SPAG9: variants seen among roughly 807,000 people sequenced by gnomAD.
SPAG9 encodes C-Jun-amino-terminal kinase-interacting protein 4.
SPAG9 carries 35 observed loss-of-function variants against 166.5 expected under a neutral mutation model. That is an observed-to-expected ratio of 0.21 (90% CI 0.16 to 0.28). The LOEUF (loss-of-function observed/expected upper bound fraction) is 0.28, where lower values mean the gene tolerates loss of function less well. Among genes scored for constraint, SPAG9 ranks in the 10% least tolerant of loss-of-function variants. The pLI is 1.00. For synonymous variants in SPAG9, 534 were observed against 565.5 expected, an observed-to-expected ratio of 0.94 and a Z score of 0.79; for missense variants, 1,235 against 1,603.3, an observed-to-expected ratio of 0.77 and a Z score of 3.92.
At chr17:51,078,907 T>A (rs552056547) in intron 2 of SPAG9, among the ~76,000 whole-genome samples, 5 of 152,124 alleles carry the variant, frequency 3.3e-5, no homozygotes, top group Non-Finnish European at 5.9e-5. Flanking sequence ...CATTTTTACA[T>A]TTCAAAGCAA....
chr17:50,986,025 C>A (rs1975023572), intron 22 of SPAG9, among the ~76,000 whole-genome samples: 1 of 152,342 alleles, frequency 6.6e-6, no homozygotes, highest in South Asian at 2.1e-4. Flanking sequence ...TAGTGCAATG[C>A]ACAGTCAGGT....
At chr17:51,032,945 A>T (rs996989237) in intron 5 of SPAG9, among the ~76,000 whole-genome samples, 1 of 152,124 alleles carries the variant, frequency 6.6e-6, no homozygotes, top group Non-Finnish European at 1.5e-5. Flanking sequence ...AAAAAAAAAT[A>T]AAAAATACAA....
At chr17:51,088,388 T>C (rs1366733801) in intron 1 of SPAG9, among the ~76,000 whole-genome samples, 1 of 152,126 alleles carries the variant, frequency 6.6e-6, no homozygotes, top group Non-Finnish European at 1.5e-5. Flanking sequence ...ACCCATCCAA[T>C]AGGAGTACTC....
Position 51,055,351 on chromosome 17 carries a change from TCTCA to T in SPAG9, c.495+1057_495+1060del, listed in dbSNP as rs147006634. On this transcript the variant is annotated intron_variant, in intron 3 of 29. Coordinates refer to ENST00000262013, the MANE Select transcript of SPAG9 (RefSeq NM_001130528.3). The stretch of plus-strand genomic sequence containing the variant: ...TTGGGCAACAGAGCAAGACTCTCTC[TCTCA>T]CACACACACACACACAAGCAACAAC... Among the ~76,000 whole-genome samples, 844 of 151,692 alleles carry T rather than the reference TCTCA, an allele frequency of 5.6e-3. 5 individuals are homozygous for T. The highest frequency in any genetic ancestry group is 0.019 in the African/African-American group (780 of 41,410).
intron 1 of SPAG9, among the ~76,000 whole-genome samples, chr17:51,102,634 C>CT (rs1419270339): frequency 6.6e-6 from 1 of 151,804 alleles, no homozygotes; most frequent in Non-Finnish European, 1.5e-5. Context: ...TCCCCAGTAG[C>CT]TGAGATTACA....
intron 12 of SPAG9, among the ~76,000 whole-genome samples, chr17:51,002,289 C>T (rs2044989974): frequency 6.6e-6 from 1 of 152,068 alleles, no homozygotes; most frequent in Non-Finnish European, 1.5e-5. Flanking sequence ...AGTGTTGGGA[C>T]TACAGGTGTA....
chr17:51,021,206 T>G lies in SPAG9; in HGVS notation c.943A>C (p.Lys315Gln). 1 of 1,614,110 alleles carries G rather than the reference T, an allele frequency of 6.2e-7. No individual in the cohort carries two copies. Among genetic ancestry groups the G allele is most frequent in the Non-Finnish European group, 8.5e-7 (1 of 1,179,984 alleles). ...TDAPNKSEIS[K>Q]HIEVQVAQET... Reference sequence around the variant, plus strand: ...TGGGCTACCTGTACTTCAATGTGTTTGCTTATCTCTGATTTATTTGGCGCA... The same window carrying G: ...TGGGCTACCTGTACTTCAATGTGTTGGCTTATCTCTGATTTATTTGGCGCA... Residue 315 changes from lysine (K) to glutamine (Q), a missense_variant, in exon 7 of 30, where the codon AAA becomes CAA. By Grantham distance (53) the Lys-to-Gln change is moderately conservative. Around this residue, in one of 6 missense-constraint regions of SPAG9, gnomAD observed 288 missense variants for 323.7 expected, o/e 0.89. Transcript: ENST00000262013.
At chr17:50,996,524 C>G (rs776723472) in intron 16 of SPAG9, 41 bp downstream of exon 16, 19 of 1,612,906 alleles carry the variant, frequency 1.2e-5, no homozygotes, top group Non-Finnish European at 1.4e-5. Context: ...AACTTGCCCT[C>G]TTCTTTCCTG....
intron 3 of SPAG9, among the ~76,000 whole-genome samples, chr17:51,051,943 C>G (rs1173729328): frequency 1.3e-5 from 2 of 152,186 alleles, no homozygotes; most frequent in African/African-American, 2.4e-5. Context: ...TGGTGATTAG[C>G]ATACACATGT....
chr17:50,990,238 C>T, intron 20 of SPAG9: 1 of 553,542 alleles, frequency 1.8e-6, no homozygotes, highest in Non-Finnish European at 3.2e-6. Context: ...CTGTGTTAGC[C>T]AGGATGGTCT....
Position 50,990,390 on chromosome 17 carries a change from G to A in SPAG9, c.2617+60C>T. ...TTAAGATCTAAATTAAGTCCATAAT[G>A]AGGCATCTGAGTGTAGCCTTAGACT... On this transcript the variant is annotated intron_variant, in intron 20 of 29. Transcript: ENST00000262013. 3 of 1,192,186 alleles carry A rather than the reference G, an allele frequency of 2.5e-6. No homozygotes were observed. In the South Asian group the frequency reaches 3.7e-5, roughly 15 times the overall value. The allele number at this position is 1,192,186 out of a possible 1,614,324, so 73.9% of individuals were successfully genotyped here. A position where few individuals can be genotyped will look rare whatever the true frequency, so the allele number is the denominator to read the frequency against.
chr17:51,032,854 A>G (rs2046434833), intron 5 of SPAG9, among the ~76,000 whole-genome samples: 1 of 152,140 alleles, frequency 6.6e-6, no homozygotes, highest in South Asian at 2.1e-4. Flanking sequence ...GAATCGCTTG[A>G]ACCCAGGAGG....
intron 7 of SPAG9, among the ~76,000 whole-genome samples, chr17:51,020,866 T>G (rs1236793276): frequency 6.6e-6 from 1 of 152,206 alleles, no homozygotes; most frequent in Non-Finnish European, 1.5e-5. Flanking sequence ...CATCTCTAGA[T>G]TACTTATAAT....
At chr17:51,019,784 G>A (rs145477139) in intron 8 of SPAG9, among the ~76,000 whole-genome samples, 1,637 of 148,202 alleles carry the variant, frequency 0.011, 21 homozygotes, top group South Asian at 0.031. Flanking sequence ...CCTGGGAGGC[G>A]GAGGTTGCGG....
intron 27 of SPAG9, chr17:50,975,944 A>G: frequency 6.9e-7 from 1 of 1,456,990 alleles, no homozygotes; most frequent in Non-Finnish European, 9.3e-7. Flanking sequence ...GAGGTGCATG[A>G]CAGGGAGGAG....
chr17:51,023,549 C>T (rs1200943300), intron 6 of SPAG9, among the ~76,000 whole-genome samples: 4 of 152,010 alleles, frequency 2.6e-5, no homozygotes, highest in African/African-American at 4.8e-5. Flanking sequence ...GAGAAAGTCA[C>T]AATTTTTTTA....
At chr17:50,992,217 C>T (rs565939977) in intron 19 of SPAG9, among the ~76,000 whole-genome samples, 7 of 152,048 alleles carry the variant, frequency 4.6e-5, no homozygotes, top group Middle Eastern at 6.8e-3. Flanking sequence ...TCACCTCACA[C>T]AGAAACTCTA....
At chr17:50,984,088 G>C (rs1974850922) in intron 24 of SPAG9, among the ~76,000 whole-genome samples, 1 of 151,986 alleles carries the variant, frequency 6.6e-6, no homozygotes, top group South Asian at 2.1e-4. Flanking sequence ...TATCATTTTT[G>C]GTTGACACAA....
intron 15 of SPAG9, among the ~76,000 whole-genome samples, chr17:50,997,487 A>G (rs2044731035): frequency 6.6e-6 from 1 of 152,208 alleles, no homozygotes; most frequent in South Asian, 2.1e-4. Context: ...TGTTTCAGAA[A>G]ATAAAAATGC....
Sources: allele counts gnomAD v4.1 joint callset (sites outside exome capture counted in the v4.1 genomes callset), GRCh38; gene constraint gnomAD v4.1.1; regional missense constraint gnomAD v4.1.1; transcripts MANE v1.5; gene names NCBI Gene and HGNC (gene_info 2026-07-23, HGNC 2026-07-21).